DCAF6: variants seen among roughly 807,000 people sequenced by gnomAD.
DCAF6 encodes DDB1- and CUL4-associated factor 6.
Under a neutral mutation model 125.1 loss-of-function variants are expected in DCAF6, and 54 were observed. The ratio of observed to expected loss-of-function variants is 0.43; its 90% CI spans 0.35 to 0.54. The LOEUF is 0.54. Ranked by LOEUF, DCAF6 falls within the 20% of genes least tolerant of loss-of-function variation. The pLI, the probability that DCAF6 is intolerant of heterozygous loss-of-function variation, is 0.01. For synonymous variants in DCAF6, 371 were observed against 390.4 expected (o/e 0.95, Z 0.58); for missense variants, 934 against 1,161.7 (o/e 0.80, Z 2.85).
the DCAF6 span, chr1:167,905,312 G>A: frequency 1.2e-6 from 1 of 816,860 alleles, no homozygotes; most frequent in Non-Finnish European, 2.0e-6. Context: ...TGGTGAAAAT[G>A]CCAGAGTTGT....
At chr1:167,890,479 C>T in the DCAF6 span, among the ~76,000 whole-genome samples, 1 of 152,144 alleles carries the variant, frequency 6.6e-6, no homozygotes, top group Non-Finnish European at 1.5e-5. Flanking sequence ...TTGTGGCTAC[C>T]ATCACTGAGA....
chr1:168,068,314 A>G (rs1241038037), intron 20 of DCAF6, 44 bp from the exon 21 acceptor site: 1 of 1,398,596 alleles, frequency 7.2e-7, no homozygotes, highest in South Asian at 1.2e-5. Context: ...GAAAAAATAC[A>G]GTTACTTTAT....
chr1:168,064,999 A>G (rs1692144633), intron 18 of DCAF6, among the ~76,000 whole-genome samples: 1 of 152,218 alleles, frequency 6.6e-6, no homozygotes. Flanking sequence ...AAAGCAAAAT[A>G]CAAAAGACAA....
chr1:168,018,091 G>C (rs1358489596), intron 11 of DCAF6, among the ~76,000 whole-genome samples: 3 of 152,156 alleles, frequency 2.0e-5, no homozygotes, highest in Admixed American at 2.0e-4. Context: ...GGAATATTCT[G>C]TGAAATCAGT....
chr1:167,932,808 CAAA>C (rs965449372), upstream of DCAF6, among the ~76,000 whole-genome samples: 1 of 54,954 alleles, frequency 1.8e-5, no homozygotes. Flanking sequence ...GACTCTGTCT[CAAA>C]AAAAAAAAAA....
chr1:167,936,641 C>T, upstream of DCAF6: 1 of 391,074 alleles, frequency 2.6e-6, no homozygotes, highest in East Asian at 5.2e-5. Context: ...CCGCCTCCTC[C>T]TGTTGGAGGG....
At chr1:167,931,530 A>C (rs1670910557), upstream of DCAF6, among the ~76,000 whole-genome samples, 1 of 151,818 alleles carries the variant, frequency 6.6e-6, no homozygotes, top group African/African-American at 2.4e-5. Flanking sequence ...TTTAAACTTA[A>C]TATATTAAAT....
chr1:168,045,222 T>C lies in DCAF6; in HGVS notation c.2253T>C (p.Gly751=), dbSNP rs768676017. Reference sequence around the variant, plus strand: ...GTGCAAGGTATCGAGCAGGACCTGGTGATAGGTTGGTAAATTTTTAATTAA... The same window carrying C: ...GTGCAAGGTATCGAGCAGGACCTGGCGATAGGTTGGTAAATTTTTAATTAA... ...IPGARYRAGP[G]DRFNIRGTTI... is the part of the protein sequence containing the mutation. Residue 751 remains glycine, a synonymous_variant, in exon 16 of 22, where the codon GGT becomes GGC. Coordinates refer to ENST00000367840, the MANE Select transcript of DCAF6 (RefSeq NM_001198956.2). 1 of 1,585,578 alleles carries C rather than the reference T, an allele frequency of 6.3e-7. No individual in the cohort carries two copies. The highest frequency in any genetic ancestry group is 2.2e-5 in the East Asian group (1 of 44,560).
intron 17 of DCAF6, among the ~76,000 whole-genome samples, chr1:168,055,065 C>A (rs188608034): frequency 6.6e-6 from 1 of 152,062 alleles, no homozygotes; most frequent in Non-Finnish European, 1.5e-5. Context: ...ATGAGCATTT[C>A]CAATGAACCA....
intron 1 of DCAF6, among the ~76,000 whole-genome samples, chr1:167,951,402 C>T (rs145611009): frequency 0.015 from 2,298 of 152,228 alleles, 54 homozygotes; most frequent in African/African-American, 0.051. Context: ...TGATGAAATC[C>T]TGTCTCTACT....
intron 10 of DCAF6, among the ~76,000 whole-genome samples, chr1:168,007,172 C>T (rs1288216640): frequency 1.3e-5 from 2 of 152,178 alleles, no homozygotes; most frequent in East Asian, 3.8e-4. Flanking sequence ...CATCTGTACT[C>T]ACATTGTGAT....
At chr1:168,035,042 A>C (rs1687615808) in intron 12 of DCAF6, among the ~76,000 whole-genome samples, 1 of 152,200 alleles carries the variant, frequency 6.6e-6, no homozygotes, top group Non-Finnish European at 1.5e-5. Flanking sequence ...TTCCTGAGAA[A>C]ATGTAACCTG....
chr1:168,018,572 C>T (rs1685276535), intron 11 of DCAF6, among the ~76,000 whole-genome samples: 1 of 152,162 alleles, frequency 6.6e-6, no homozygotes, highest in Non-Finnish European at 1.5e-5. Context: ...GAATTTTTGA[C>T]ACCTGTAAAT....
chr1:168,042,705 T>C (rs1688688052), intron 13 of DCAF6: 1 of 182,530 alleles, frequency 5.5e-6, no homozygotes, highest in Non-Finnish European at 1.1e-5. Flanking sequence ...CCATCTGTAG[T>C]GAAGACAAGA....
At chr1:167,985,184 CGT>C (rs33966059) in intron 4 of DCAF6, among the ~76,000 whole-genome samples, 4,842 of 146,686 alleles carry the variant, frequency 0.033, 231 homozygotes, top group African/African-American at 0.11. Flanking sequence ...CAAACCACGT[CGT>C]GTGTGTGTGT....
At chr1:168,067,174 C>T (rs573356323) in intron 20 of DCAF6, among the ~76,000 whole-genome samples, 18 of 152,168 alleles carry the variant, frequency 1.2e-4, no homozygotes, top group Admixed American at 1.1e-3. Flanking sequence ...GTTGGAAAAC[C>T]ACTACTCTAG....
intron 1 of DCAF6, chr1:167,937,231 A>G: frequency 1.7e-6 from 1 of 590,886 alleles, no homozygotes; most frequent in Non-Finnish European, 3.1e-6. Context: ...TTTTTCTCGG[A>G]GGGCCGGGCC....
Position 168,043,148 on chromosome 1 carries a change from G to A in DCAF6, c.1843+8G>A, listed in dbSNP as rs1558019758. 1 of 1,601,316 alleles carries A rather than the reference G, an allele frequency of 6.2e-7. No individual in the cohort carries two copies. The highest frequency in any genetic ancestry group is 1.3e-5 in the African/African-American group (1 of 74,738). On this transcript the variant is annotated splice_region_variant and intron_variant, in intron 14 of 21. Coordinates refer to ENST00000367840, the MANE Select transcript of DCAF6 (RefSeq NM_001198956.2). The stretch of plus-strand genomic sequence containing the variant: ...AAGGAGACAGTGAAACAAGTAAGGT[G>A]TTATTTTGCTTTTGTTGTTATAAAA...
chr1:168,062,666 G>A (rs1691746570), intron 17 of DCAF6, among the ~76,000 whole-genome samples: 2 of 151,722 alleles, frequency 1.3e-5, no homozygotes, highest in Non-Finnish European at 2.9e-5. Context: ...TCTGTTATAT[G>A]TCAAAATATA....
Sources: gnomAD v4.1 joint callset for allele counts (sites outside exome capture counted in the v4.1 genomes callset) on GRCh38, gnomAD v4.1.1 for gene constraint, MANE v1.5 for transcripts, NCBI Gene and HGNC (gene_info 2026-07-23, HGNC 2026-07-21) for gene names.